Variants in SLTM observed in about 807,000 individuals in gnomAD.
The protein encoded by SLTM is SAFB like transcription modulator.
Under a neutral mutation model 134.6 loss-of-function variants are expected in SLTM, and 43 were observed. That is an observed-to-expected ratio of 0.32 (90% CI 0.25 to 0.41). The LOEUF is 0.41. Among genes scored for constraint, SLTM ranks in the 10% least tolerant of loss-of-function variants. The probability of loss-of-function intolerance (pLI) is 1.00; values close to 1 mark genes in which losing one functional copy is unlikely to be tolerated. For missense variants in SLTM, 1,055 were observed against 1,288.8 expected, an observed-to-expected ratio of 0.82 and a Z score of 2.78; for synonymous variants, 424 against 432.3, an observed-to-expected ratio of 0.98 and a Z score of 0.24.
chr15:58,913,501 G>C lies in SLTM; in HGVS notation c.511C>G (p.Gln171Glu), dbSNP rs1230071377. 1.2e-6 allele frequency: 2 copies of C among 1,602,774 alleles called. No homozygotes were observed. The highest frequency in any genetic ancestry group is 1.7e-6 in the Non-Finnish European group (2 of 1,176,540). Residue 171 changes from glutamine to glutamate, a missense_variant and splice_region_variant, in exon 4 of 21, where the codon CAG (glutamine) becomes GAG (glutamate). Gln to Glu is a conservative substitution (Grantham distance 29). Around this residue, in one of 3 missense-constraint regions of SLTM, gnomAD observed 268 missense variants for 284.3 expected, o/e 0.94. Coordinates refer to ENST00000380516, the MANE Select transcript of SLTM (RefSeq NM_024755.4). ...TTTAAAAAAAACTGGCTAAAGACCTGACTTTCGATGTCCTCTTTTTCTATA... is the reference window on the plus strand; with the variant it reads ...TTTAAAAAAAACTGGCTAAAGACCTCACTTTCGATGTCCTCTTTTTCTATA... ...EDIEKEDIESQEIEAQEGEDD... is the reference protein window; with the variant it reads ...EDIEKEDIESEEIEAQEGEDD...
At chr15:58,927,227 ATTTCT>A (rs2037538772) in intron 2 of SLTM, among the ~76,000 whole-genome samples, 1 of 152,094 alleles carries the variant, frequency 6.6e-6, no homozygotes, top group African/African-American at 2.4e-5. Flanking sequence ...CAAAAGAGAT[ATTTCT>A]TTTTTTTGTT....
chr15:58,892,289 G>A (rs1213321960), intron 14 of SLTM, among the ~76,000 whole-genome samples: 1 of 152,148 alleles, frequency 6.6e-6, no homozygotes, highest in Non-Finnish European at 1.5e-5. Context: ...CACTAAAAAT[G>A]GAAACATCTT....
At chr15:58,887,179 C>T (rs773222033) in intron 18 of SLTM, 47 bp downstream of exon 18, 9 of 1,611,428 alleles carry the variant, frequency 5.6e-6, no homozygotes, top group Middle Eastern at 3.3e-4. Flanking sequence ...TTTTTTTAAC[C>T]CCAATGCATG....
rs117970541 is a variant in SLTM at position 58,913,195 on chromosome 15, C to G, written c.513+304G>C. Among the ~76,000 whole-genome samples, 1,512 of 152,118 alleles carry G rather than the reference C, an allele frequency of 9.9e-3. 15 individuals carry two copies. Among genetic ancestry groups the G allele is most frequent in the Non-Finnish European group, 0.016 (1,115 of 67,986 alleles). ...AAAATGTCCAAAATTAAAGGAGTGT[C>G]TATTAGATATGTAGAAAGCAGTCTA... On this transcript the variant is annotated intron_variant, in intron 4 of 20. Coordinates refer to ENST00000380516, the MANE Select transcript of SLTM (RefSeq NM_024755.4).
chr15:58,898,681 T>C, intron 8 of SLTM, 122 bp downstream of exon 8: 1 of 680,734 alleles, frequency 1.5e-6, no homozygotes, highest in Non-Finnish European at 2.6e-6. Context: ...CCATCTCAAG[T>C]TTCTAGTCTG....
chr15:58,912,330 A>T (rs141828753), intron 5 of SLTM, among the ~76,000 whole-genome samples: 183 of 152,122 alleles, frequency 1.2e-3, no homozygotes, highest in Non-Finnish European at 1.8e-3. Context: ...CGATCTCCTG[A>T]CCTCGTGAAC....
chr15:58,932,247 A>C, intron 2 of SLTM, 109 bp downstream of exon 2: 1 of 783,276 alleles, frequency 1.3e-6, no homozygotes, highest in Non-Finnish European at 2.2e-6. Context: ...AGACTGCCAG[A>C]GGGAAATAGC....
At chr15:58,884,247 ATATC>A (rs1449689444) in intron 19 of SLTM, among the ~76,000 whole-genome samples, 1 of 152,182 alleles carries the variant, frequency 6.6e-6, no homozygotes, top group East Asian at 1.9e-4. Context: ...AAAAGAGTTT[ATATC>A]TATTTTGTAG....
At chr15:58,925,489 C>A (rs1208803658) in intron 2 of SLTM, among the ~76,000 whole-genome samples, 1 of 152,148 alleles carries the variant, frequency 6.6e-6, no homozygotes, top group Non-Finnish European at 1.5e-5. Flanking sequence ...ACGTGCCCAA[C>A]ACCATGCCCA....
chr15:58,906,000 T>G (rs181563158), intron 5 of SLTM, among the ~76,000 whole-genome samples: 1 of 152,282 alleles, frequency 6.6e-6, no homozygotes, highest in African/African-American at 2.4e-5. Flanking sequence ...CAAAAACAAC[T>G]TGGGTAAAGT....
At chr15:58,910,612 T>C (rs10162837) in intron 5 of SLTM, among the ~76,000 whole-genome samples, 4 of 152,202 alleles carry the variant, frequency 2.6e-5, no homozygotes, top group Non-Finnish European at 4.4e-5. Context: ...TGCAAAACTA[T>C]AGGAGTAGTC....
chr15:58,889,593 A>G (rs1359456690), intron 15 of SLTM, 39 bp from the exon 16 acceptor site: 1 of 1,610,780 alleles, frequency 6.2e-7, no homozygotes, highest in Non-Finnish European at 8.5e-7. Flanking sequence ...CCAAGGCAAA[A>G]TGAAAACATA....
In SLTM at chr15:58,887,028, C is replaced by T. The variant is rs750908798; in HGVS notation, c.2782G>A (p.Gly928Arg). Reference sequence around the variant, plus strand: ...ACTCCTCTGTCTCCCTCTCTGCTCCCGTACCCCGAAGCGCTGCTACGATTC... The same window carrying T: ...ACTCCTCTGTCTCCCTCTCTGCTCCTGTACCCCGAAGCGCTGCTACGATTC... The part of the protein sequence containing the change: ...PGNRSSASGY[G>R]SREGDRGVIT... Residue 928 changes from glycine to arginine, a missense_variant, in exon 19 of 21, where the codon GGG (glycine) becomes AGG (arginine). Gly to Arg is a moderately radical substitution (Grantham distance 125). Transcript: ENST00000380516. 8.7e-6 allele frequency: 14 copies of T among 1,613,252 alleles called. No individual in the cohort carries two copies. The highest frequency in any genetic ancestry group is 1.8e-4 in the Middle Eastern group (1 of 5,424).
chr15:58,912,233 G>A (rs2141118134), intron 5 of SLTM, among the ~76,000 whole-genome samples: 1 of 151,816 alleles, frequency 6.6e-6, no homozygotes, highest in South Asian at 2.1e-4. Context: ...CTGAGTAGCT[G>A]TGATTACAGG....
chr15:58,925,095 T>C (rs1461315481), intron 2 of SLTM, among the ~76,000 whole-genome samples: 5 of 141,338 alleles, frequency 3.5e-5, no homozygotes, highest in African/African-American at 1.3e-4. Context: ...AAAAAAAAGC[T>C]TAGTTATAAA....
chr15:58,933,329 T>A, intron 1 of SLTM, 75 bp downstream of exon 1: 1 of 1,463,858 alleles, frequency 6.8e-7, no homozygotes, highest in South Asian at 1.3e-5. Context: ...AGCCGGAGGC[T>A]GCGGCGGAAG....
intron 2 of SLTM, among the ~76,000 whole-genome samples, chr15:58,917,462 A>G (rs1286204900): frequency 6.6e-6 from 1 of 152,130 alleles, no homozygotes; most frequent in Admixed American, 6.5e-5. Flanking sequence ...TCATCTTACA[A>G]TCCATCAGGT....
In SLTM at chr15:58,879,923, C is replaced by T; in HGVS notation, c.*76G>A. ...AGAACTCTCAAGCAAGTCAGAGGTCCTCTTCATAAGTAGTCAAGTAAAGTT... is the reference window on the plus strand; with the variant it reads ...AGAACTCTCAAGCAAGTCAGAGGTCTTCTTCATAAGTAGTCAAGTAAAGTT... On this transcript the variant is annotated 3_prime_UTR_variant, in exon 21 of 21. Transcript: ENST00000380516. The T allele has an allele frequency of 1.3e-6, 2 of 1,514,906 alleles. No homozygotes were observed. The highest frequency in any genetic ancestry group is 1.8e-6 in the Non-Finnish European group (2 of 1,124,412). 93.8% of individuals were successfully genotyped at this position (1,514,906 alleles called of 1,614,324 possible).
rs1309180108 is a variant in SLTM at position 58,887,519 on chromosome 15, T to C, written c.2397A>G (p.Gln799=). The C allele has an allele frequency of 4.3e-6, 7 of 1,612,372 alleles. No homozygotes were observed. Among genetic ancestry groups the C allele is most frequent in the Admixed American group, 3.4e-5 (2 of 59,580 alleles). ...TAGGTCGTGCTTTTTTCCCCTCACTTTGACCAACAAAGCGATCCCGCCTAT... is the reference window on the plus strand; with the variant it reads ...TAGGTCGTGCTTTTTTCCCCTCACTCTGACCAACAAAGCGATCCCGCCTAT... ...SFERRDRFVG[Q]SEGKKARPTA... is the part of the protein sequence containing the mutation. Residue 799 remains glutamine (Q), a synonymous_variant, in exon 18 of 21, where the codon CAA becomes CAG. Transcript: ENST00000380516.
Sources: gnomAD v4.1 joint callset for allele counts (sites outside exome capture counted in the v4.1 genomes callset) on GRCh38, gnomAD v4.1.1 for gene constraint, gnomAD v4.1.1 regional missense constraint, MANE v1.5 for transcripts, NCBI Gene and HGNC (gene_info 2026-07-23, HGNC 2026-07-21) for gene names.